The following SPOPL variants were observed in gnomAD, a reference collection of about 807,000 sequenced individuals.
SPOPL encodes the protein speckle-type POZ protein-like.
A neutral mutation model predicts 53.8 loss-of-function variants in SPOPL; 23 were observed. The ratio of observed to expected loss-of-function variants is 0.43; its 90% CI spans 0.31 to 0.61. The LOEUF (loss-of-function observed/expected upper bound fraction) is 0.61. Ranked by LOEUF, SPOPL falls within the 20% of genes least tolerant of loss-of-function variation. The pLI, the probability that SPOPL is intolerant of heterozygous loss-of-function variation, is 0.12. For synonymous variants in SPOPL, 164 were observed against 149.7 expected, an observed-to-expected ratio of 1.10 and a Z score of -0.70; for missense variants, 442 against 466.9, an observed-to-expected ratio of 0.95 and a Z score of 0.49.
chr2:138,540,071 T>C (rs1211635362), intron 1 of SPOPL, among the ~76,000 whole-genome samples: 1 of 152,214 alleles, frequency 6.6e-6, no homozygotes, highest in African/African-American at 2.4e-5. Context: ...CGCGGCATTC[T>C]TTCTGAGGGC....
At position 138,570,055 on chromosome 2, in the gene SPOPL, A is replaced by T. The variant is rs1685748322; in HGVS notation, c.*975A>T. The T allele has an allele frequency of 6.6e-6, 1 of 152,538 alleles. No homozygotes were observed. Among genetic ancestry groups the T allele is most frequent in the South Asian group, 2.1e-4 (1 of 4,836 alleles). The allele number at this position is 152,538 out of a possible 1,614,324, so 9.4% of individuals were successfully genotyped here. On this transcript the variant is annotated 3_prime_UTR_variant, in exon 11 of 11. Transcript: ENST00000280098. ...GATGGAGGCAACTGGGATGTTTGTG[A>T]TAATAGATGAGAAAGACATCCTTGA... is the stretch of plus-strand genomic sequence containing the variant.
At chr2:138,539,806 AGACAT>A in intron 1 of SPOPL, among the ~76,000 whole-genome samples, 1 of 152,186 alleles carries the variant, frequency 6.6e-6, no homozygotes, top group African/African-American at 2.4e-5. Context: ...TTGGTGTTTT[AGACAT>A]AAAGTCCTTG....
intron 1 of SPOPL, among the ~76,000 whole-genome samples, chr2:138,549,818 G>A (rs1478928320): frequency 6.6e-6 from 1 of 152,086 alleles, no homozygotes; most frequent in Non-Finnish European, 1.5e-5. Context: ...GAAGGAGGAT[G>A]AACCAGATAT....
chr2:138,560,626 T>C (rs1685525062), intron 7 of SPOPL, among the ~76,000 whole-genome samples, 179 bp from the exon 8 acceptor site: 1 of 152,104 alleles, frequency 6.6e-6, no homozygotes, highest in Admixed American at 6.5e-5. Flanking sequence ...AAGTACTTAA[T>C]GAAGTTTACC....
intron 1 of SPOPL, among the ~76,000 whole-genome samples, chr2:138,542,603 TC>T (rs1259211956): frequency 2.6e-5 from 4 of 152,190 alleles, no homozygotes; most frequent in African/African-American, 9.7e-5. Context: ...TCTTCCTCCA[TC>T]CCTTTATTTT....
chr2:138,518,013 A>T (rs1206391718), intron 1 of SPOPL, among the ~76,000 whole-genome samples: 3 of 146,962 alleles, frequency 2.0e-5, no homozygotes, highest in Non-Finnish European at 4.5e-5. Context: ...GTGCCATTGC[A>T]CTCCAGCCTG....
intron 1 of SPOPL, among the ~76,000 whole-genome samples, chr2:138,516,424 A>G (rs1219756870): frequency 6.6e-6 from 1 of 152,236 alleles, no homozygotes; most frequent in Non-Finnish European, 1.5e-5. Context: ...TGTAAAAGAT[A>G]CACTGAGGTT....
At chr2:138,564,157 A>G (rs1573910745) in intron 8 of SPOPL, among the ~76,000 whole-genome samples, 1 of 152,338 alleles carries the variant, frequency 6.6e-6, no homozygotes. Context: ...GACAATTGGT[A>G]TATTTATTGT....
At position 138,542,455 on chromosome 2, in the gene SPOPL, G is replaced by C. The variant is rs141920254; in HGVS notation, c.-60-7702G>C. Among the ~76,000 whole-genome samples the C allele has an allele frequency of 9.4e-3, 1,433 of 152,212 alleles. 28 individuals carry two copies. Among genetic ancestry groups the C allele is most frequent in the African/African-American group, 0.033 (1,365 of 41,544 alleles). On this transcript the variant is annotated intron_variant, in intron 1 of 10. Coordinates refer to ENST00000280098, the MANE Select transcript of SPOPL (RefSeq NM_001001664.3). Reference sequence around the variant, plus strand: ...GCATATATATTTAGGATAGTTAGCTGTTCTTGTTGAATTGGTCCCTTTACC... The same window carrying C: ...GCATATATATTTAGGATAGTTAGCTCTTCTTGTTGAATTGGTCCCTTTACC...
intron 1 of SPOPL, among the ~76,000 whole-genome samples, chr2:138,545,956 A>T (rs536295012): frequency 1.3e-5 from 2 of 152,362 alleles, no homozygotes; most frequent in East Asian, 3.9e-4. Context: ...ATTTATTGGT[A>T]TGATAATCAA....
intron 10 of SPOPL, among the ~76,000 whole-genome samples, chr2:138,566,284 G>T (rs183332270): frequency 6.6e-6 from 1 of 152,114 alleles, no homozygotes; most frequent in South Asian, 2.1e-4. Flanking sequence ...TGAGTTTAAA[G>T]TATACTATAT....
intron 1 of SPOPL, among the ~76,000 whole-genome samples, chr2:138,525,835 C>CAAA (rs758644476): frequency 3.0e-4 from 32 of 105,546 alleles, no homozygotes; most frequent in African/African-American, 1.1e-3. Context: ...GAACCTGTCT[C>CAAA]AAAAAAAAAA....
chr2:138,525,784 G>A (rs1413688221), intron 1 of SPOPL, among the ~76,000 whole-genome samples: 1 of 151,476 alleles, frequency 6.6e-6, no homozygotes, highest in Non-Finnish European at 1.5e-5. Context: ...GCTGCAGTGA[G>A]CCTTGACTGT....
rs188643182 is a variant in SPOPL at position 138,537,350 on chromosome 2, G to A, written c.-60-12807G>A. ...GTCATGATCGATTGAGCAAGCAGGG[G>A]ATACATGATTGGGGGCTGCATGCAC... On this transcript the variant is annotated intron_variant, in intron 1 of 10. Transcript: ENST00000280098. 2.0e-5 allele frequency among the ~76,000 whole-genome samples: 3 copies of A among 152,198 alleles called. No individual in the cohort carries two copies. The East Asian group carries it at 5.8e-4, about 29-fold the overall frequency.
At chr2:138,509,364 A>G (rs539475023) in intron 1 of SPOPL, among the ~76,000 whole-genome samples, 1 of 152,302 alleles carries the variant, frequency 6.6e-6, no homozygotes, top group Non-Finnish European at 1.5e-5. Flanking sequence ...CTGAAGATTG[A>G]TAGTATATCT....
intron 1 of SPOPL, among the ~76,000 whole-genome samples, chr2:138,540,010 C>A (rs1292089869): frequency 3.3e-5 from 5 of 152,296 alleles, no homozygotes; most frequent in Non-Finnish European, 4.4e-5. Flanking sequence ...GGAATCCTGT[C>A]CCCATTTCTT....
At chr2:138,527,967 G>A (rs1341997430) in intron 1 of SPOPL, among the ~76,000 whole-genome samples, 4 of 152,188 alleles carry the variant, frequency 2.6e-5, no homozygotes, top group East Asian at 3.8e-4. Flanking sequence ...GCTTTATTTT[G>A]TGTGGGAGAG....
chr2:138,518,368 ACC>A (rs1684490143), intron 1 of SPOPL, among the ~76,000 whole-genome samples: 2 of 152,150 alleles, frequency 1.3e-5, no homozygotes, highest in African/African-American at 2.4e-5. Context: ...TGCAGGAACT[ACC>A]CTAAGTATAG....
chr2:138,536,448 G>A (rs1277369011), intron 1 of SPOPL, among the ~76,000 whole-genome samples: 2 of 152,152 alleles, frequency 1.3e-5, no homozygotes, highest in Non-Finnish European at 2.9e-5. Context: ...TGGTTTGGCA[G>A]GGCTTTCTTT....
Sources: allele counts gnomAD v4.1 joint callset (sites outside exome capture counted in the v4.1 genomes callset), GRCh38; gene constraint gnomAD v4.1.1; transcripts MANE v1.5; gene names NCBI Gene and HGNC (gene_info 2026-07-23, HGNC 2026-07-21).